The following KLHL20 variants were observed in gnomAD, a reference collection of about 807,000 sequenced individuals.
KLHL20 encodes the protein kelch like family member 20.
Under a neutral mutation model 69.5 loss-of-function variants are expected in KLHL20, and 29 were observed. That is an observed-to-expected ratio of 0.42 (90% CI 0.31 to 0.57). The LOEUF (loss-of-function observed/expected upper bound fraction) is 0.57, where lower values mean the gene tolerates loss of function less well. Among genes scored for constraint, KLHL20 ranks in the 20% least tolerant of loss-of-function variants. The pLI is 0.18. For synonymous variants in KLHL20, 253 were observed against 265.2 expected (o/e 0.95, Z 0.45); for missense variants, 419 against 776.0 (o/e 0.54, Z 5.47).
intron 11 of KLHL20, among the ~76,000 whole-genome samples, chr1:173,783,272 CAT>C (rs745449809): frequency 5.1e-4 from 77 of 152,310 alleles, no homozygotes; most frequent in Non-Finnish European, 9.4e-4. Context: ...TCAGGCTGGA[CAT>C]GTGAGCTGAG....
At chr1:173,775,875 A>C (rs749388157) in intron 10 of KLHL20, 33 bp downstream of exon 10, 3 of 1,584,300 alleles carry the variant, frequency 1.9e-6, no homozygotes, top group Non-Finnish European at 2.6e-6. Context: ...GTTGCTTCCA[A>C]ATCTTGGCTA....
chr1:173,780,393 A>C (rs969598618), intron 10 of KLHL20, among the ~76,000 whole-genome samples: 3 of 152,246 alleles, frequency 2.0e-5, no homozygotes, highest in African/African-American at 7.2e-5. Context: ...TGGGGAAGTA[A>C]GAATGAGTTG....
intron 7 of KLHL20, among the ~76,000 whole-genome samples, chr1:173,758,914 T>C (rs1673670698): frequency 6.6e-6 from 1 of 152,186 alleles, no homozygotes; most frequent in Non-Finnish European, 1.5e-5. Context: ...GCATGCAGAC[T>C]TCACCGGCAG....
At chr1:173,752,578 G>GT (rs1438950178) in intron 4 of KLHL20, among the ~76,000 whole-genome samples, 1 of 152,164 alleles carries the variant, frequency 6.6e-6, no homozygotes, top group African/African-American at 2.4e-5. Flanking sequence ...ACTTTCAAGA[G>GT]TAAAGACATG....
At position 173,751,862 on chromosome 1, in the gene KLHL20, C is replaced by T. The variant is rs768909285; in HGVS notation, c.696C>T (p.Phe232=). The T allele has an allele frequency of 3.7e-5, 60 of 1,613,900 alleles. No homozygotes were observed. The East Asian group carries it at 1.3e-3, about 36-fold the overall frequency. ...ACGTTCGCAGTGAAGAACAAGTGTT[C>T]AATGCAGTGATGGCCTGGGTCAAAT... The part of the protein sequence containing the change: ...ELNVRSEEQV[F]NAVMAWVKYS... The change falls in exon 4 of 12, where the codon TTC becomes TTT. Residue 232 remains phenylalanine, a synonymous_variant. Transcript: ENST00000209884.
chr1:173,773,270 CCTT>C (rs1477852135), intron 8 of KLHL20, among the ~76,000 whole-genome samples: 1 of 150,050 alleles, frequency 6.7e-6, no homozygotes, highest in Non-Finnish European at 1.5e-5. Flanking sequence ...CCACACACAG[CCTT>C]TTTTTTTTTT....
intron 3 of KLHL20, among the ~76,000 whole-genome samples, chr1:173,738,250 C>T (rs1418509170): frequency 1.3e-5 from 2 of 152,148 alleles, no homozygotes; most frequent in Non-Finnish European, 2.9e-5. Context: ...TGTCCCCCAG[C>T]TTTGACCTCC....
intron 2 of KLHL20, among the ~76,000 whole-genome samples, chr1:173,727,894 A>G (rs1454468729): frequency 6.6e-6 from 1 of 152,226 alleles, no homozygotes; most frequent in African/African-American, 2.4e-5. Flanking sequence ...AAATCCACAC[A>G]TAACAATATT....
chr1:173,731,947 C>G (rs535679235), intron 2 of KLHL20, among the ~76,000 whole-genome samples: 1 of 152,158 alleles, frequency 6.6e-6, no homozygotes, highest in South Asian at 2.1e-4. Flanking sequence ...CCTGTAATCC[C>G]AGCACTTTGG....
chr1:173,767,412 G>A (rs1431550902), intron 8 of KLHL20, among the ~76,000 whole-genome samples: 1 of 152,096 alleles, frequency 6.6e-6, no homozygotes, highest in Non-Finnish European at 1.5e-5. Context: ...TTAGTAGTGG[G>A]ATTACTGGAT....
chr1:173,763,882 A>C (rs1193558517), intron 7 of KLHL20, among the ~76,000 whole-genome samples: 2 of 151,528 alleles, frequency 1.3e-5, no homozygotes, highest in Admixed American at 6.6e-5. Flanking sequence ...AAAAAAAAAA[A>C]CAGCTGGGAC....
intron 2 of KLHL20, among the ~76,000 whole-genome samples, chr1:173,724,400 A>G (rs193096339): frequency 6.6e-6 from 1 of 152,260 alleles, no homozygotes; most frequent in East Asian, 1.9e-4. Flanking sequence ...TTGCTTCTTT[A>G]TATTACTTAG....
intron 8 of KLHL20, among the ~76,000 whole-genome samples, chr1:173,772,054 T>C (rs1648128617): frequency 6.6e-6 from 1 of 152,244 alleles, no homozygotes; most frequent in East Asian, 1.9e-4. Flanking sequence ...GTCCTGAGTA[T>C]GAATTTGAAC....
chr1:173,734,357 A>T, intron 3 of KLHL20, 71 bp downstream of exon 3: 1 of 1,259,994 alleles, frequency 7.9e-7, no homozygotes, highest in Non-Finnish European at 1.2e-6. Flanking sequence ...CTGCTAAATA[A>T]CACTTGCCTG....
At chr1:173,774,013 CAAAAAAA>C (rs34034171) in intron 8 of KLHL20, among the ~76,000 whole-genome samples, 1 of 108,130 alleles carries the variant, frequency 9.2e-6, no homozygotes, top group Non-Finnish European at 1.9e-5. Flanking sequence ...GACTCCATCT[CAAAAAAA>C]AAAAAAAAAA....
intron 3 of KLHL20, among the ~76,000 whole-genome samples, chr1:173,737,185 A>T (rs555107681): frequency 1.3e-5 from 2 of 151,554 alleles, no homozygotes; most frequent in South Asian, 4.2e-4. Context: ...TTGTCTATTT[A>T]CTCTGCTGAT....
chr1:173,756,062 G>A, intron 6 of KLHL20, 24 bp downstream of exon 6: 4 of 1,484,176 alleles, frequency 2.7e-6, no homozygotes, highest in Non-Finnish European at 2.8e-6. Flanking sequence ...TATACTGTTA[G>A]TAAATTGAGT....
intron 7 of KLHL20, among the ~76,000 whole-genome samples, chr1:173,758,925 G>A (rs1269963668): frequency 6.6e-6 from 1 of 152,186 alleles, no homozygotes; most frequent in Non-Finnish European, 1.5e-5. Flanking sequence ...TCACCGGCAG[G>A]GGGAAAACTA....
chr1:173,730,903 C>CA (rs1207358925), intron 2 of KLHL20, among the ~76,000 whole-genome samples: 24 of 152,166 alleles, frequency 1.6e-4, no homozygotes, highest in African/African-American at 5.8e-4. Flanking sequence ...TTCTGCACAG[C>CA]AAAAGAAACT....
Sources: gnomAD v4.1 joint callset for allele counts (sites outside exome capture counted in the v4.1 genomes callset) on GRCh38, gnomAD v4.1.1 for gene constraint, MANE v1.5 for transcripts, NCBI Gene and HGNC (gene_info 2026-07-23, HGNC 2026-07-21) for gene names.